ARHGEF28: variants seen among roughly 807,000 people sequenced by gnomAD.
ARHGEF28 encodes 190 kDa guanine nucleotide exchange factor.
ARHGEF28 carries 152 observed loss-of-function variants against 206.6 expected under a neutral mutation model. The ratio of observed to expected loss-of-function variants is 0.74; its 90% CI spans 0.64 to 0.84. The LOEUF (loss-of-function observed/expected upper bound fraction) is 0.84. ARHGEF28 is among the 40% of genes least tolerant of loss of function. The pLI is 0.00. For synonymous variants in ARHGEF28, 763 were observed against 776.4 expected, an observed-to-expected ratio of 0.98 and a Z score of 0.29; for missense variants, 2,028 against 2,073.2, an observed-to-expected ratio of 0.98 and a Z score of 0.42.
rs1759682066 is a variant in ARHGEF28 at position 73,866,008 on chromosome 5, T to C, written c.2147T>C (p.Leu716Pro). ...AACAAGAACAAACCACAGACCATCC[T>C]TGGAAGTAAGTGATGTAGAAAACGA... ...KYNKNKPQTI[L>P]GNSSFRDIPQ... Residue 716 changes from leucine (L) to proline (P), a missense_variant, in exon 18 of 36, where the codon CTT becomes CCT. This residue lies in a region of ARHGEF28 where 1,002 missense variants were observed against 1,015.3 expected (regional missense o/e 0.99). Transcript: ENST00000513042. 6.2e-7 allele frequency: 1 copy of C among 1,603,126 alleles called. No individual in the cohort carries two copies. Among genetic ancestry groups the C allele is most frequent in the Non-Finnish European group, 8.5e-7 (1 of 1,173,672 alleles).
Position 73,846,519 on chromosome 5 carries a change from A to T in ARHGEF28, c.1635+44A>T, listed in dbSNP as rs764726537. 18 of 1,562,784 alleles carry T rather than the reference A, an allele frequency of 1.2e-5. No individual in the cohort carries two copies. In the South Asian group the frequency reaches 1.9e-4, roughly 17 times the overall value. Reference sequence around the variant, plus strand: ...ATTTGGTATATTGCAAGTGTGGAGAATATGTTGTCTGCATTTACCCATCTG... The same window carrying T: ...ATTTGGTATATTGCAAGTGTGGAGATTATGTTGTCTGCATTTACCCATCTG... On this transcript the variant is annotated intron_variant, in intron 12 of 35. Coordinates refer to ENST00000513042, the MANE Select transcript of ARHGEF28 (RefSeq NM_001177693.2).
chr5:73,876,185 G>A (rs914249440), intron 22 of ARHGEF28, among the ~76,000 whole-genome samples: 31 of 143,910 alleles, frequency 2.2e-4, no homozygotes, highest in Non-Finnish European at 4.1e-4. Context: ...TGAAGCAATT[G>A]TGAATGGGAG....
chr5:73,901,239 C>G lies in ARHGEF28; in HGVS notation c.4029C>G (p.Ile1343Met). Residue 1343 changes from isoleucine (I) to methionine (M), a missense_variant, in exon 31 of 36, where the codon ATC becomes ATG. This residue lies in a region of ARHGEF28 where 803 missense variants were observed against 768.0 expected (regional missense o/e 1.05). Coordinates refer to ENST00000513042, the MANE Select transcript of ARHGEF28 (RefSeq NM_001177693.2). ...GRGCSDVDPG[I>M]QGVVTDLAVS... is the part of the protein sequence containing the mutation. ...GCTGTTCGGATGTGGATCCCGGGATCCAGGGTGTGGTAACCGACTTGGCCG... is the reference window on the plus strand; with the variant it reads ...GCTGTTCGGATGTGGATCCCGGGATGCAGGGTGTGGTAACCGACTTGGCCG... The G allele has an allele frequency of 6.2e-7, 1 of 1,613,310 alleles. No homozygotes were observed. The highest frequency in any genetic ancestry group is 1.1e-5 in the South Asian group (1 of 90,962).
At chr5:73,708,361 C>G (rs993325307) in intron 2 of ARHGEF28, among the ~76,000 whole-genome samples, 1 of 152,092 alleles carries the variant, frequency 6.6e-6, no homozygotes, top group Non-Finnish European at 1.5e-5. Flanking sequence ...CCCTTTCTCC[C>G]CACCTTAATA....
At chr5:73,910,994 C>A (rs1214569537) in intron 34 of ARHGEF28, among the ~76,000 whole-genome samples, 1 of 152,126 alleles carries the variant, frequency 6.6e-6, no homozygotes, top group African/African-American at 2.4e-5. Flanking sequence ...AAAGTAAAAA[C>A]TGCTGCTTTC....
intron 1 of ARHGEF28, among the ~76,000 whole-genome samples, chr5:73,632,072 A>G (rs1475280010): frequency 6.6e-6 from 1 of 152,206 alleles, no homozygotes; most frequent in Non-Finnish European, 1.5e-5. Context: ...AAAGTAGAAT[A>G]TACACGTGTT....
At chr5:73,880,037 C>A (rs1188145110) in intron 22 of ARHGEF28, among the ~76,000 whole-genome samples, 5 of 152,220 alleles carry the variant, frequency 3.3e-5, no homozygotes, top group Non-Finnish European at 7.4e-5. Context: ...GCGGTGGAGC[C>A]TACAGAGGCA....
intron 8 of ARHGEF28, among the ~76,000 whole-genome samples, chr5:73,794,959 A>G (rs1430534681): frequency 6.6e-6 from 1 of 152,162 alleles, no homozygotes; most frequent in East Asian, 1.9e-4. Context: ...AAACCTAGCT[A>G]TCTTTCTGAG....
Position 73,801,221 on chromosome 5 carries a change from C to T in ARHGEF28, c.1024+5830C>T, listed in dbSNP as rs533079170. Among the ~76,000 whole-genome samples the T allele has an allele frequency of 9.9e-4, 150 of 152,102 alleles. 1 individual carries two copies. Among genetic ancestry groups the T allele is most frequent in the Non-Finnish European group, 1.6e-3 (109 of 67,978 alleles). The stretch of plus-strand genomic sequence containing the variant: ...CAGCACTTTGGGAGGCCGAGGCAGG[C>T]GGATCACGAGGTCGGGAGATCGAGA... On this transcript the variant is annotated intron_variant, in intron 9 of 35. Transcript: ENST00000513042.
chr5:73,666,580 A>G (rs991091027), intron 1 of ARHGEF28, among the ~76,000 whole-genome samples: 1 of 152,198 alleles, frequency 6.6e-6, no homozygotes, highest in Non-Finnish European at 1.5e-5. Flanking sequence ...CTGCAGAATT[A>G]ACACCATGTG....
chr5:73,736,654 G>A lies in ARHGEF28; in HGVS notation c.34-13183G>A, dbSNP rs559114661. Among the ~76,000 whole-genome samples the A allele has an allele frequency of 3.9e-4, 60 of 152,244 alleles. No individual in the cohort carries two copies. In the South Asian group the frequency reaches 0.012, roughly 30 times the overall value. On this transcript the variant is annotated intron_variant, in intron 2 of 35. Coordinates refer to ENST00000513042, the MANE Select transcript of ARHGEF28 (RefSeq NM_001177693.2). ...TACTGTTTTTGCATTAAGGCTTTCTGTTAGGAAATGAGAAATTTCATATTT... is the reference window on the plus strand; with the variant it reads ...TACTGTTTTTGCATTAAGGCTTTCTATTAGGAAATGAGAAATTTCATATTT...
intron 35 of ARHGEF28, among the ~76,000 whole-genome samples, chr5:73,931,475 T>C (rs1580121466): frequency 6.6e-6 from 1 of 152,322 alleles, no homozygotes; most frequent in East Asian, 1.9e-4. Flanking sequence ...TGGTTGGAAA[T>C]TGGACCTTTT....
intron 3 of ARHGEF28, 109 bp from the exon 4 acceptor site, chr5:73,752,800 C>A (rs1752084085): frequency 5.5e-6 from 7 of 1,281,320 alleles, no homozygotes; most frequent in Non-Finnish European, 7.6e-6. Context: ...GCTTTGTTCT[C>A]CTGGAGCGTG....
At chr5:73,633,477 C>T (rs905689648) in intron 1 of ARHGEF28, among the ~76,000 whole-genome samples, 2 of 151,818 alleles carry the variant, frequency 1.3e-5, no homozygotes, top group Non-Finnish European at 2.9e-5. Flanking sequence ...CTATTTCTCT[C>T]ATAAGATTGT....
chr5:73,727,088 G>T (rs1002632664), intron 2 of ARHGEF28, among the ~76,000 whole-genome samples: 1 of 152,028 alleles, frequency 6.6e-6, no homozygotes, highest in African/African-American at 2.4e-5. Flanking sequence ...TTCATTACCT[G>T]TCCTCATGTC....
At chr5:73,633,971 C>T (rs1471446733) in intron 1 of ARHGEF28, among the ~76,000 whole-genome samples, 1 of 152,084 alleles carries the variant, frequency 6.6e-6, no homozygotes, top group Non-Finnish European at 1.5e-5. Flanking sequence ...AGCCATATAT[C>T]CTCATTCATG....
intron 35 of ARHGEF28, among the ~76,000 whole-genome samples, chr5:73,923,547 A>G (rs1763637745): frequency 6.6e-6 from 1 of 152,212 alleles, no homozygotes. Context: ...TTTGTCAGGT[A>G]AGAGATACAG....
intron 2 of ARHGEF28, among the ~76,000 whole-genome samples, chr5:73,749,318 T>A (rs1751905336): frequency 6.6e-6 from 1 of 152,160 alleles, no homozygotes; most frequent in Admixed American, 6.5e-5. Context: ...ATAATGGAAT[T>A]TTGGATACAG....
intron 4 of ARHGEF28, among the ~76,000 whole-genome samples, chr5:73,771,330 G>A (rs6889751): frequency 0.025 from 3,851 of 152,248 alleles, 150 homozygotes; most frequent in African/African-American, 0.088. Flanking sequence ...ATCACCTGAG[G>A]TCAGGAGTTC....
Sources: allele counts gnomAD v4.1 joint callset (sites outside exome capture counted in the v4.1 genomes callset), GRCh38; gene constraint gnomAD v4.1.1; regional missense constraint gnomAD v4.1.1; transcripts MANE v1.5; gene names NCBI Gene and HGNC (gene_info 2026-07-23, HGNC 2026-07-21).